The following LARGE1 variants were observed in gnomAD, a reference collection of about 807,000 sequenced individuals.
LARGE1 encodes LARGE xylosyl- and glucuronyltransferase 1, also known as xylosyl- and glucuronyltransferase LARGE1.
LARGE1 carries 43 observed loss-of-function variants against 87.6 expected under a neutral mutation model. That is an observed-to-expected ratio of 0.49 (90% CI 0.38 to 0.63). The LOEUF is 0.63. Among genes scored for constraint, LARGE1 ranks in the 30% least tolerant of loss-of-function variants. The probability of loss-of-function intolerance (pLI) is 0.00; values close to 1 mark genes in which losing one functional copy is unlikely to be tolerated. For missense variants in LARGE1, 802 were observed against 1,000.2 expected, an observed-to-expected ratio of 0.80 and a Z score of 2.67; for synonymous variants, 434 against 394.6, an observed-to-expected ratio of 1.10 and a Z score of -1.18.
intron 6 of LARGE1, among the ~76,000 whole-genome samples, chr22:33,559,550 A>G (rs930714061): frequency 1.3e-5 from 2 of 152,224 alleles, no homozygotes; most frequent in Non-Finnish European, 2.9e-5. Context: ...TCTTTCATAA[A>G]GGTACTAACC....
At chr22:33,429,579 G>A (rs1439592034) in intron 7 of LARGE1, among the ~76,000 whole-genome samples, 3 of 152,210 alleles carry the variant, frequency 2.0e-5, no homozygotes, top group East Asian at 3.9e-4. Flanking sequence ...GATGACCAGC[G>A]GCTTTTGTTT....
At chr22:33,103,650 G>A in the LARGE1 span, among the ~76,000 whole-genome samples, 1 of 152,084 alleles carries the variant, frequency 6.6e-6, no homozygotes, top group African/African-American at 2.4e-5. Context: ...GGAGGTAAGA[G>A]AAACCCCTGA....
At chr22:33,428,758 TAAAAAAAAAA>T (rs763068404) in intron 7 of LARGE1, among the ~76,000 whole-genome samples, 3 of 95,292 alleles carry the variant, frequency 3.1e-5, no homozygotes, top group African/African-American at 1.2e-4. Flanking sequence ...CCGTCACTAC[TAAAAAAAAAA>T]AAAAAAAAAA....
the LARGE1 span, among the ~76,000 whole-genome samples, chr22:33,146,624 A>G: frequency 6.8e-3 from 1,034 of 152,278 alleles, 11 homozygotes; most frequent in African/African-American, 0.024. Context: ...CCAAAGCCAC[A>G]TATTCCATGG....
At chr22:33,519,137 G>C (rs533811429) in intron 6 of LARGE1, among the ~76,000 whole-genome samples, 1 of 152,298 alleles carries the variant, frequency 6.6e-6, no homozygotes, top group African/African-American at 2.4e-5. Flanking sequence ...ATATGCTCAA[G>C]CTGAAGAATG....
the LARGE1 span, among the ~76,000 whole-genome samples, chr22:33,142,437 G>A: frequency 6.6e-6 from 1 of 152,046 alleles, no homozygotes; most frequent in African/African-American, 2.4e-5. Context: ...GGCCTTCCCT[G>A]ATCATTTGCT....
At chr22:33,551,893 C>T (rs1048641456) in intron 6 of LARGE1, among the ~76,000 whole-genome samples, 1 of 148,848 alleles carries the variant, frequency 6.7e-6, no homozygotes, top group African/African-American at 2.5e-5. Context: ...ACTTGGGAGG[C>T]TGAGGCAGGA....
chr22:33,466,914 C>G (rs1455368956), intron 6 of LARGE1, among the ~76,000 whole-genome samples: 1 of 152,090 alleles, frequency 6.6e-6, no homozygotes, highest in African/African-American at 2.4e-5. Flanking sequence ...GTGGAGCACG[C>G]CTGTAATCCC....
At chr22:33,840,032 G>C (rs993975192) in intron 1 of LARGE1, among the ~76,000 whole-genome samples, 1 of 152,202 alleles carries the variant, frequency 6.6e-6, no homozygotes, top group Non-Finnish European at 1.5e-5. Flanking sequence ...CAGATCATTA[G>C]AGAAAATGCC....
At chr22:33,856,581 C>A (rs16993190) in intron 1 of LARGE1, among the ~76,000 whole-genome samples, 2,402 of 152,282 alleles carry the variant, frequency 0.016, 61 homozygotes, top group African/African-American at 0.054. Flanking sequence ...AACTTAGAGG[C>A]GGACAACGCC....
intron 11 of LARGE1, among the ~76,000 whole-genome samples, chr22:33,233,280 G>GTGATGA (rs753881587): frequency 2.0e-5 from 3 of 149,412 alleles, no homozygotes; most frequent in South Asian, 2.1e-4. Flanking sequence ...GGTGGTGTTA[G>GTGATGA]TGATGATGAT....
At chr22:33,184,501 A>G (rs77099409) in intron 11 of LARGE1, among the ~76,000 whole-genome samples, 4,572 of 151,898 alleles carry the variant, frequency 0.03, 95 homozygotes, top group Admixed American at 0.056. Flanking sequence ...ATGGCTTAAA[A>G]TAAGTTATCA....
At chr22:33,204,438 G>C (rs780383859) in intron 11 of LARGE1, among the ~76,000 whole-genome samples, 1 of 152,122 alleles carries the variant, frequency 6.6e-6, no homozygotes, top group African/African-American at 2.4e-5. Flanking sequence ...CTTTTTGCTT[G>C]AAAACGTCTC....
chr22:33,092,022 CT>C, the LARGE1 span, among the ~76,000 whole-genome samples: 949 of 152,212 alleles, frequency 6.2e-3, 14 homozygotes, highest in African/African-American at 0.022. Flanking sequence ...GCCTCAGCCT[CT>C]TGAGTAGCTG....
intron 6 of LARGE1, among the ~76,000 whole-genome samples, chr22:33,488,354 T>C (rs534705416): frequency 6.6e-6 from 1 of 152,268 alleles, no homozygotes; most frequent in Non-Finnish European, 1.5e-5. Flanking sequence ...AGCTTAGGGA[T>C]GGAAAATAAG....
At chr22:33,512,245 G>A (rs1032551142) in intron 6 of LARGE1, among the ~76,000 whole-genome samples, 2 of 152,054 alleles carry the variant, frequency 1.3e-5, no homozygotes, top group African/African-American at 4.8e-5. Flanking sequence ...ATCTGAAATA[G>A]GGAATGTTGT....
chr22:33,113,204 TC>T, the LARGE1 span, among the ~76,000 whole-genome samples: 1 of 138,318 alleles, frequency 7.2e-6, no homozygotes, highest in Non-Finnish European at 1.5e-5. Flanking sequence ...CACTTAATTA[TC>T]TTTTTTTTTT....
rs11913298 is a variant in LARGE1, at chr22:33,283,435, C to A, written c.1731-87G>T. 14,797 of 1,471,682 alleles carry A rather than the reference C, an allele frequency of 0.01. 359 individuals carry two copies. Among genetic ancestry groups the A allele is most frequent in the African/African-American group, 0.06 (4,294 of 71,806 alleles). 91.2% of individuals were successfully genotyped at this position (1,471,682 alleles called of 1,614,324 possible). Reference sequence around the variant, plus strand: ...CCATGAGGGCGGGGTGGTCATTGGCCCGGGGAAGTGTGGGAAAGAAAGCTC... The same window carrying A: ...CCATGAGGGCGGGGTGGTCATTGGCACGGGGAAGTGTGGGAAAGAAAGCTC... On this transcript the variant is annotated intron_variant, in intron 12 of 14. Coordinates refer to ENST00000397394, the MANE Select transcript of LARGE1 (RefSeq NM_133642.5).
intron 12 of LARGE1, among the ~76,000 whole-genome samples, chr22:33,301,595 C>T (rs538322016): frequency 2.6e-5 from 4 of 152,260 alleles, no homozygotes; most frequent in African/African-American, 7.2e-5. Flanking sequence ...TGTGGAGAGA[C>T]GACTGGCTCC....
Sources: gnomAD v4.1 joint callset for allele counts (sites outside exome capture counted in the v4.1 genomes callset) on GRCh38, gnomAD v4.1.1 for gene constraint, MANE v1.5 for transcripts, NCBI Gene and HGNC (gene_info 2026-07-23, HGNC 2026-07-21) for gene names.